The following MLH3 variants were observed in gnomAD, a reference collection of about 807,000 sequenced individuals.
MLH3 encodes mutL homolog 3.
MLH3 carries 82 observed loss-of-function variants against 122.2 expected under a neutral mutation model. The ratio of observed to expected loss-of-function variants is 0.67; its 90% confidence interval spans 0.56 to 0.81. MLH3 has a LOEUF of 0.81. Ranked by LOEUF, MLH3 falls within the 30% of genes least tolerant of loss-of-function variation. The pLI is 0.00. For synonymous variants in MLH3, 524 were observed against 599.5 expected (o/e 0.87, Z 1.84); for missense variants, 1,539 against 1,714.5 (o/e 0.90, Z 1.81).
At chr14:75,036,234 T>A (rs903627851) in intron 6 of MLH3, among the ~76,000 whole-genome samples, 3 of 152,212 alleles carry the variant, frequency 2.0e-5, no homozygotes, top group Non-Finnish European at 4.4e-5. Flanking sequence ...TGATAACATT[T>A]ATATCCAGGG....
At chr14:75,027,261 G>A (rs370852711) in intron 9 of MLH3, among the ~76,000 whole-genome samples, 3 of 151,538 alleles carry the variant, frequency 2.0e-5, no homozygotes, top group African/African-American at 4.8e-5. Flanking sequence ...TATCATTCAC[G>A]GACTTTTTTT....
Position 75,046,866 on chromosome 14 carries a change from T to C in MLH3, c.2790A>G (p.Thr930=), listed in dbSNP as rs1892270382. 6.2e-7 allele frequency: 1 copy of C among 1,613,988 alleles called. No individual in the cohort carries two copies. The highest frequency in any genetic ancestry group is 8.5e-7 in the Non-Finnish European group (1 of 1,180,042). Residue 930 remains threonine (T), a synonymous_variant, in exon 2 of 13, where the codon ACA becomes ACG. Coordinates refer to ENST00000355774, the MANE Select transcript of MLH3 (RefSeq NM_001040108.2). Reference sequence around the variant, plus strand: ...CTGATGTTGGGATGACACCATTCTCTGTTTTTTCATGCTTGTTGTTAAATA... The same window carrying C: ...CTGATGTTGGGATGACACCATTCTCCGTTTTTTCATGCTTGTTGTTAAATA... ...CMLFNNKHEK[T]ENGVIPTSDS...
intron 9 of MLH3, among the ~76,000 whole-genome samples, chr14:75,025,541 C>G (rs1890573526): frequency 6.6e-6 from 1 of 152,166 alleles, no homozygotes; most frequent in South Asian, 2.1e-4. Flanking sequence ...CAGACCTTTT[C>G]CAAAGCATAC....
chr14:75,045,935 C>A (rs1394041883), intron 2 of MLH3, among the ~76,000 whole-genome samples: 1 of 151,902 alleles, frequency 6.6e-6, no homozygotes, highest in Non-Finnish European at 1.5e-5. Context: ...TCCCAACACT[C>A]TGGGAGGCCG....
At chr14:75,028,416 A>T (rs867380599) in intron 9 of MLH3, among the ~76,000 whole-genome samples, 58 of 128,138 alleles carry the variant, frequency 4.5e-4, no homozygotes, top group African/African-American at 1.7e-3. Flanking sequence ...TTTCCCCCCA[A>T]TTTTTTTTTT....
At chr14:75,033,997 AT>A in intron 6 of MLH3, among the ~76,000 whole-genome samples, 1 of 152,074 alleles carries the variant, frequency 6.6e-6, no homozygotes, top group East Asian at 1.9e-4. Flanking sequence ...AATCGAGATC[AT>A]CCTGGCCAAC....
chr14:75,048,087 C>T lies in MLH3; in HGVS notation c.1569G>A (p.Gln523=), dbSNP rs552398291. ...QTPCHFEESG[Q]DLEIWKESTT... The stretch of plus-strand genomic sequence containing the variant: ...TACTTTCTTTCCATATTTCTAGATC[C>T]TGCCCACTCTCCTCAAAGTGACATG... The change falls in exon 2 of 13, where the codon CAG becomes CAA. Residue 523 remains glutamine (Q), a synonymous_variant. Transcript: ENST00000355774. The T allele has an allele frequency of 1.9e-5, 31 of 1,614,158 alleles. No homozygotes were observed. The South Asian group carries it at 3.4e-4, about 18-fold the overall frequency.
intron 11 of MLH3, among the ~76,000 whole-genome samples, chr14:75,019,267 G>A (rs1338053875): frequency 2.6e-5 from 4 of 151,914 alleles, no homozygotes; most frequent in Non-Finnish European, 2.9e-5. Flanking sequence ...AAAATTAGCC[G>A]GGTGTGGTGG....
chr14:75,036,570 C>T, intron 6 of MLH3: 1 of 439,740 alleles, frequency 2.3e-6, no homozygotes, highest in South Asian at 1.6e-5. Context: ...GTCTCAACTC[C>T]TGACCTCAGG....
rs774449341 is a variant in MLH3 at position 75,048,038 on chromosome 14, T to A, written c.1618A>T (p.Asn540Tyr). Residue 540 changes from asparagine to tyrosine, a missense_variant, in exon 2 of 13, where the codon AAC becomes TAC. Coordinates refer to ENST00000355774, the MANE Select transcript of MLH3 (RefSeq NM_001040108.2). ...ESTTVNGMAA[N>Y]ILKNNRIQNQ... ...TGAATTCTATTATTTTTCAAGATGT[T>A]GGCAGCCATGCCATTAACAGTAGTA... The A allele has an allele frequency of 9.3e-6, 15 of 1,613,738 alleles. No individual in the cohort carries two copies. The highest frequency in any genetic ancestry group is 1.2e-5 in the Non-Finnish European group (14 of 1,179,938).
At chr14:75,029,755 G>A (rs926026438) in intron 9 of MLH3, among the ~76,000 whole-genome samples, 6 of 152,052 alleles carry the variant, frequency 3.9e-5, no homozygotes, top group South Asian at 2.1e-4. Flanking sequence ...GGCTGGTCTC[G>A]AACTCCCGAC....
In MLH3 at chr14:75,031,229, T is replaced by G. The variant is rs557412789; in HGVS notation, c.3828-527A>C. 2.0e-5 allele frequency among the ~76,000 whole-genome samples: 3 copies of G among 152,380 alleles called. No individual in the cohort carries two copies. In the South Asian group the frequency reaches 6.2e-4, roughly 32 times the overall value. On this transcript the variant is annotated intron_variant, in intron 8 of 12. Coordinates refer to ENST00000355774, the MANE Select transcript of MLH3 (RefSeq NM_001040108.2). ...AATTTCTTTTTCATTTTCAATAATTTGTGCTGCCTAGAAGAGGAAAAATAT... is the reference window on the plus strand; with the variant it reads ...AATTTCTTTTTCATTTTCAATAATTGGTGCTGCCTAGAAGAGGAAAAATAT...
chr14:75,045,186 C>T (rs773221095), intron 2 of MLH3, among the ~76,000 whole-genome samples: 16 of 152,104 alleles, frequency 1.1e-4, no homozygotes, highest in Non-Finnish European at 1.0e-4. Flanking sequence ...AAAAATTAGC[C>T]GGGTGTGGTA....
rs1255282773 is a variant in MLH3, at chr14:75,023,009, G to A, written c.3997C>T (p.Arg1333Ter). Residue 1333 changes from arginine to a stop codon, truncating the protein, a stop_gained, in exon 10 of 13, where the codon CGA (arginine) becomes TGA (stop). Transcript: ENST00000355774. LOFTEE classifies it high-confidence loss of function. Reference sequence around the variant, plus strand: ...GAAAAGCTTACCTCCAGTTGTTCTCGGATAAATTCCTGCAAAGCAAAAGGA... The same window carrying A: ...GAAAAGCTTACCTCCAGTTGTTCTCAGATAAATTCCTGCAAAGCAAAAGGA... Reference protein sequence around the residue: ...VTKSIVEEFIREQLELLQTTG... With the variant: ...VTKSIVEEFI The A allele has an allele frequency of 4.3e-6, 7 of 1,614,052 alleles. No individual in the cohort carries two copies. Among genetic ancestry groups the A allele is most frequent in the East Asian group, 2.2e-5 (1 of 44,900 alleles).
At chr14:75,043,337 A>G (rs960297708) in intron 2 of MLH3, among the ~76,000 whole-genome samples, 1 of 152,214 alleles carries the variant, frequency 6.6e-6, no homozygotes, top group Non-Finnish European at 1.5e-5. Context: ...TTATAATACA[A>G]TTATATTTAG....
intron 2 of MLH3, among the ~76,000 whole-genome samples, chr14:75,045,822 CA>C (rs1416400588): frequency 6.6e-6 from 1 of 152,084 alleles, no homozygotes; most frequent in Non-Finnish European, 1.5e-5. Context: ...CTTACACATA[CA>C]CACACCCATA....
At chr14:75,028,107 G>T (rs1595045237) in intron 9 of MLH3, among the ~76,000 whole-genome samples, 1 of 151,432 alleles carries the variant, frequency 6.6e-6, no homozygotes. Flanking sequence ...AATGATATTT[G>T]CTATAAAAAA....
rs1471091761 is a variant in MLH3 at position 75,015,570 on chromosome 14, G to C, written c.*1512C>G. On this transcript the variant is annotated 3_prime_UTR_variant, in exon 13 of 13. Coordinates refer to ENST00000355774, the MANE Select transcript of MLH3 (RefSeq NM_001040108.2). ...GGGCCTGGAGGCAGAGCCCCTGACA[G>C]CCTGGCAAATCCTCTGAAAACTCTC... 1 of 183,592 alleles carries C rather than the reference G, an allele frequency of 5.4e-6. No homozygotes were observed. Among genetic ancestry groups the C allele is most frequent in the Non-Finnish European group, 1.2e-5 (1 of 86,420 alleles). The allele number at this position is 183,592 out of a possible 1,614,324, so 11.4% of individuals were successfully genotyped here.
chr14:75,031,991 A>G, intron 8 of MLH3, 77 bp downstream of exon 8: 1 of 983,070 alleles, frequency 1.0e-6, no homozygotes, highest in Non-Finnish European at 1.6e-6. Context: ...GAAATGGAAC[A>G]ATAGTTATGC....
Sources: allele counts gnomAD v4.1 joint callset (sites outside exome capture counted in the v4.1 genomes callset), GRCh38; gene constraint gnomAD v4.1.1; transcripts MANE v1.5; gene names NCBI Gene and HGNC (gene_info 2026-07-23, HGNC 2026-07-21).